Variants in BRWD1 observed in about 807,000 individuals in gnomAD.
BRWD1 encodes bromodomain and WD repeat domain containing 1, also known as bromodomain and WD repeat-containing protein 1.
BRWD1 carries 82 observed loss-of-function variants against 251.2 expected under a neutral mutation model. The observed-to-expected ratio is 0.33, with a 90% CI of 0.27 to 0.39. The LOEUF (loss-of-function observed/expected upper bound fraction) is 0.39, where lower values mean the gene tolerates loss of function less well. BRWD1 is among the 10% of genes least tolerant of loss of function. The pLI is 1.00. For synonymous variants in BRWD1, 918 were observed against 902.8 expected (o/e 1.02, Z -0.30); for missense variants, 2,233 against 2,711.6 (o/e 0.82, Z 3.92).
At chr21:39,222,615 A>G (rs1298587011) in intron 29 of BRWD1, among the ~76,000 whole-genome samples, 2 of 152,252 alleles carry the variant, frequency 1.3e-5, no homozygotes, top group African/African-American at 2.4e-5. Flanking sequence ...ATTTTATTTC[A>G]CAAAAATCTG....
In BRWD1 at chr21:39,192,775, AC is replaced by A; in HGVS notation, c.*3483del. On this transcript the variant is annotated 3_prime_UTR_variant, in exon 41 of 41. Transcript: ENST00000342449. Reference sequence around the variant, plus strand: ...AAGGAAAACAAAAAAGATCGTAAGCACCTTTAACAATGTTCTTGCATTCTAC... The same window carrying A: ...AAGGAAAACAAAAAAGATCGTAAGCACTTTAACAATGTTCTTGCATTCTAC... The A allele has an allele frequency of 5.1e-6, 5 of 985,196 alleles. No homozygotes were observed. The highest frequency in any genetic ancestry group is 6.0e-6 in the Non-Finnish European group (5 of 829,764). The allele number at this position is 985,196 out of a possible 1,614,324, so 61.0% of individuals were successfully genotyped here. A position where few individuals can be genotyped will look rare whatever the true frequency, so the allele number is the denominator to read the frequency against.
rs775551295 is a variant in BRWD1 at position 39,312,799 on chromosome 21, G to A, written c.198+42C>T. ...AGGGGAAGGGGCGGGGGCGGGGGGC[G>A]GTGCACGGAAAACCCGGGGAGCAAA... is the stretch of plus-strand genomic sequence containing the variant. On this transcript the variant is annotated intron_variant, in intron 4 of 40. Coordinates refer to ENST00000342449, the MANE Select transcript of BRWD1 (RefSeq NM_033656.4). 1.2e-5 allele frequency: 18 copies of A among 1,527,242 alleles called. No individual in the cohort carries two copies. In the East Asian group the frequency reaches 1.7e-4, roughly 14 times the overall value. 94.6% of individuals were successfully genotyped at this position (1,527,242 alleles called of 1,614,324 possible).
At chr21:39,303,054 C>CA (rs373480984) in intron 4 of BRWD1, among the ~76,000 whole-genome samples, 15 of 148,894 alleles carry the variant, frequency 1.0e-4, no homozygotes, top group East Asian at 8.1e-4. Context: ...GACTCCGTCT[C>CA]AAAAAAAAAG....
rs2146451278 is a variant in BRWD1 at position 39,195,818 on chromosome 21, G to A, written c.*441C>T. 1.0e-6 allele frequency: 1 copy of A among 987,328 alleles called. No homozygotes were observed. Among genetic ancestry groups the A allele is most frequent in the Non-Finnish European group, 1.2e-6 (1 of 831,276 alleles). 61.2% of individuals were successfully genotyped at this position (987,328 alleles called of 1,614,324 possible). ...CCATGATTATAGTGTCAGTATGCAT[G>A]TATTTATGAAGAATCTGTAAACATA... On this transcript the variant is annotated 3_prime_UTR_variant, in exon 41 of 41. Coordinates refer to ENST00000342449, the MANE Select transcript of BRWD1 (RefSeq NM_033656.4).
intron 13 of BRWD1, among the ~76,000 whole-genome samples, chr21:39,270,805 G>A (rs751550213): frequency 3.3e-5 from 5 of 152,054 alleles, no homozygotes; most frequent in Non-Finnish European, 7.4e-5. Context: ...AAAATTTTAG[G>A]AACACAAAAA....
intron 4 of BRWD1, among the ~76,000 whole-genome samples, chr21:39,307,476 T>C (rs1393346107): frequency 6.6e-6 from 1 of 152,210 alleles, no homozygotes; most frequent in Non-Finnish European, 1.5e-5. Context: ...TATGTATATA[T>C]TGCACATATT....
intron 10 of BRWD1, among the ~76,000 whole-genome samples, 167 bp from the exon 11 acceptor site, chr21:39,277,518 T>G (rs1487710028): frequency 1.3e-5 from 2 of 152,186 alleles, no homozygotes; most frequent in Admixed American, 1.3e-4. Context: ...AAGCTGAACT[T>G]GTAGCTTTAA....
At chr21:39,305,866 GAAAAA>G (rs368458821) in intron 4 of BRWD1, among the ~76,000 whole-genome samples, 1 of 131,946 alleles carries the variant, frequency 7.6e-6, no homozygotes, top group African/African-American at 2.9e-5. Context: ...GTCTCAAAAA[GAAAAA>G]AAAAAAAAAA....
intron 4 of BRWD1, among the ~76,000 whole-genome samples, chr21:39,300,040 G>A (rs996874894): frequency 1.3e-5 from 2 of 152,082 alleles, no homozygotes; most frequent in Non-Finnish European, 2.9e-5. Context: ...CTAGCAGAGA[G>A]GCAGGAAGAA....
chr21:39,302,830 C>T (rs1308259586), intron 4 of BRWD1, among the ~76,000 whole-genome samples: 1 of 150,786 alleles, frequency 6.6e-6, no homozygotes, highest in African/African-American at 2.4e-5. Flanking sequence ...GAGGCCCAGA[C>T]AGGCGGATCA....
At chr21:39,249,966 A>T (rs546762679) in intron 20 of BRWD1, among the ~76,000 whole-genome samples, 7 of 151,870 alleles carry the variant, frequency 4.6e-5, no homozygotes, top group African/African-American at 1.7e-4. Flanking sequence ...GTATACACAC[A>T]CACATAGATA....
intron 4 of BRWD1, among the ~76,000 whole-genome samples, chr21:39,306,656 A>G (rs1323268490): frequency 6.6e-6 from 1 of 152,192 alleles, no homozygotes; most frequent in East Asian, 1.9e-4. Context: ...AAACTCATTA[A>G]GATTTAAAGA....
chr21:39,311,050 G>C (rs932607154), intron 4 of BRWD1, among the ~76,000 whole-genome samples: 9 of 150,706 alleles, frequency 6.0e-5, no homozygotes, highest in Non-Finnish European at 1.0e-4. Flanking sequence ...GGCAATGATA[G>C]ATGCCATATG....
chr21:39,198,291 GCTT>G (rs2031925801), intron 40 of BRWD1, among the ~76,000 whole-genome samples: 1 of 152,160 alleles, frequency 6.6e-6, no homozygotes, highest in Non-Finnish European at 1.5e-5. Flanking sequence ...AGACTAAACT[GCTT>G]ATTAATGGAA....
chr21:39,301,892 C>T (rs565886220), intron 4 of BRWD1, among the ~76,000 whole-genome samples: 146 of 127,008 alleles, frequency 1.1e-3, no homozygotes, highest in African/African-American at 4.8e-3. Context: ...TTTACTGTGC[C>T]GAAAAAAAAA....
chr21:39,223,926 GA>G (rs2033279944), intron 29 of BRWD1, among the ~76,000 whole-genome samples: 1 of 152,206 alleles, frequency 6.6e-6, no homozygotes, highest in Non-Finnish European at 1.5e-5. Flanking sequence ...TTGGCTCAGT[GA>G]AACCTCTGCC....
Position 39,313,577 on chromosome 21 carries a change from C to G in BRWD1, c.-86G>C, listed in dbSNP as rs941780565. The G allele has an allele frequency of 2.6e-6, 3 of 1,156,226 alleles. No individual in the cohort carries two copies. Among genetic ancestry groups the G allele is most frequent in the Admixed American group, 4.9e-5 (1 of 20,498 alleles). 71.6% of individuals were successfully genotyped at this position (1,156,226 alleles called of 1,614,324 possible). Reference sequence around the variant, plus strand: ...AGGCCTGACCGGGCTGGCGTCCCCTCTTCTCAGGCGCGCGCCGCCGCCGCC... The same window carrying G: ...AGGCCTGACCGGGCTGGCGTCCCCTGTTCTCAGGCGCGCGCCGCCGCCGCC... On this transcript the variant is annotated 5_prime_UTR_variant, in exon 1 of 41. Transcript: ENST00000342449.
intron 4 of BRWD1, among the ~76,000 whole-genome samples, chr21:39,307,688 C>CT (rs755939191): frequency 1.7e-4 from 26 of 149,842 alleles, no homozygotes; most frequent in Non-Finnish European, 1.6e-4. Context: ...CTGCCAGATA[C>CT]TTTAAGTCTT....
chr21:39,320,858 G>C (rs1430784111), intron 1 of BRWD1, among the ~76,000 whole-genome samples: 4 of 151,672 alleles, frequency 2.6e-5, no homozygotes, highest in Admixed American at 2.6e-4. Flanking sequence ...AGTAAAGACA[G>C]GGTTTTACCA....
Sources: gnomAD v4.1 joint callset for allele counts (sites outside exome capture counted in the v4.1 genomes callset) on GRCh38, gnomAD v4.1.1 for gene constraint, MANE v1.5 for transcripts, NCBI Gene and HGNC (gene_info 2026-07-23, HGNC 2026-07-21) for gene names.